The following SRBD1 variants were observed in gnomAD, a reference collection of about 807,000 sequenced individuals.
SRBD1 encodes the protein S1 RNA binding domain 1.
In SRBD1, 88 loss-of-function variants were observed where a neutral mutation model predicts 115.3. The ratio of observed to expected loss-of-function variants is 0.76; its 90% CI spans 0.64 to 0.91. SRBD1 has a LOEUF of 0.91. Among genes scored for constraint, SRBD1 ranks in the 40% least tolerant of loss-of-function variants. SRBD1 has a pLI of 0.00. For missense variants in SRBD1, 1,385 were observed against 1,177.4 expected (o/e 1.18, Z -2.58); for synonymous variants, 509 against 407.7 (o/e 1.25, Z -2.99).
chr2:45,563,772 C>A (rs1338471584), intron 9 of SRBD1, among the ~76,000 whole-genome samples: 5 of 151,986 alleles, frequency 3.3e-5, no homozygotes, highest in Non-Finnish European at 7.4e-5. Flanking sequence ...AATCTGAACA[C>A]ACCTATAAAA....
At chr2:45,606,404 C>G (rs1427302677) in intron 1 of SRBD1, among the ~76,000 whole-genome samples, 1 of 152,132 alleles carries the variant, frequency 6.6e-6, no homozygotes, top group Non-Finnish European at 1.5e-5. Flanking sequence ...AGGTGATCCG[C>G]CCACCTCGGC....
At chr2:45,606,157 C>CTTTTTTTTT in intron 1 of SRBD1, among the ~76,000 whole-genome samples, 1 of 116,770 alleles carries the variant, frequency 8.6e-6, no homozygotes, top group Non-Finnish European at 1.8e-5. Context: ...TTTTCCTATT[C>CTTTTTTTTT]TTTTTTTTTT....
intron 16 of SRBD1, among the ~76,000 whole-genome samples, chr2:45,445,312 C>A (rs1227004327): frequency 6.6e-6 from 1 of 151,980 alleles, no homozygotes; most frequent in Non-Finnish European, 1.5e-5. Flanking sequence ...TTACCCATAT[C>A]CTCCACTGCA....
intron 15 of SRBD1, among the ~76,000 whole-genome samples, chr2:45,478,899 C>T (rs1367951876): frequency 1.3e-5 from 2 of 152,102 alleles, no homozygotes; most frequent in African/African-American, 2.4e-5. Flanking sequence ...TGGAAATTTG[C>T]GGCAACCCTG....
chr2:45,441,789 A>G (rs996444044), intron 16 of SRBD1, among the ~76,000 whole-genome samples: 3 of 152,224 alleles, frequency 2.0e-5, no homozygotes, highest in Non-Finnish European at 4.4e-5. Flanking sequence ...TTCCTATTAT[A>G]GAAACGCTTT....
In SRBD1 at chr2:45,421,634, A is replaced by AT. The variant is rs371680533; in HGVS notation, c.2050-1741dup. Among the ~76,000 whole-genome samples the AT allele has an allele frequency of 2.6e-3, 391 of 151,876 alleles. 3 individuals are homozygous for AT. The highest frequency in any genetic ancestry group is 8.9e-3 in the African/African-American group (369 of 41,464). On this transcript the variant is annotated intron_variant, in intron 16 of 20. Transcript: ENST00000263736. The stretch of plus-strand genomic sequence containing the variant: ...GAAGCTAGGTTACAACAATGAATAC[A>AT]TTCGCTATTACTCATAATTCTAAAA...
intron 18 of SRBD1, among the ~76,000 whole-genome samples, chr2:45,414,541 ACATAGTGT>A (rs1330296280): frequency 2.1e-5 from 3 of 144,782 alleles, no homozygotes; most frequent in Non-Finnish European, 3.0e-5. Flanking sequence ...GTGTGTACAC[ACATAGTGT>A]CTGTAGTGTG....
In SRBD1 at chr2:45,393,121, G is replaced by A. The variant is rs1274837463; in HGVS notation, c.2522C>T (p.Ser841Leu). 1.2e-6 allele frequency: 2 copies of A among 1,600,142 alleles called. No homozygotes were observed. The highest frequency in any genetic ancestry group is 8.5e-7 in the Non-Finnish European group (1 of 1,175,446). ...ESYDIAMRFL[S>L]SIGGTLYEVG... ...CTCATACAGTGTCCCTCCAATGGAT[G>A]ACAAAAACCTGCAGTGGAAAAAATA... Residue 841 changes from serine (S) to leucine (L), a missense_variant, in exon 20 of 21, where the codon TCA becomes TTA. Ser to Leu is a moderately radical substitution (Grantham distance 145). Coordinates refer to ENST00000263736, the MANE Select transcript of SRBD1 (RefSeq NM_018079.5).
intron 9 of SRBD1, among the ~76,000 whole-genome samples, chr2:45,564,060 C>A (rs1672751254): frequency 6.6e-6 from 1 of 151,988 alleles, no homozygotes; most frequent in African/African-American, 2.4e-5. Flanking sequence ...TAATAGCAAA[C>A]CACATCCAGA....
intron 9 of SRBD1, among the ~76,000 whole-genome samples, chr2:45,565,297 T>A (rs1572783598): frequency 6.6e-6 from 1 of 152,312 alleles, no homozygotes; most frequent in African/African-American, 2.4e-5. Context: ...TACAATGGAA[T>A]AGAATCGGAG....
chr2:45,502,375 T>C (rs1441650741), intron 14 of SRBD1, among the ~76,000 whole-genome samples: 3 of 152,202 alleles, frequency 2.0e-5, no homozygotes, highest in African/African-American at 4.8e-5. Context: ...TAAAGACACA[T>C]GCACATGTAT....
chr2:45,608,655 A>C (rs1674347693), intron 1 of SRBD1, among the ~76,000 whole-genome samples: 1 of 152,080 alleles, frequency 6.6e-6, no homozygotes, highest in African/African-American at 2.4e-5. Context: ...TTCTATAATA[A>C]ACTGCCTGTC....
At chr2:45,556,771 T>C (rs1246322616) in intron 10 of SRBD1, among the ~76,000 whole-genome samples, 6 of 152,148 alleles carry the variant, frequency 3.9e-5, no homozygotes, top group African/African-American at 1.4e-4. Context: ...CCTTGCTCTA[T>C]GTTCATGGTG....
At chr2:45,427,210 A>G (rs762917304) in intron 16 of SRBD1, among the ~76,000 whole-genome samples, 1 of 151,758 alleles carries the variant, frequency 6.6e-6, no homozygotes, top group Non-Finnish European at 1.5e-5. Flanking sequence ...AAGCTGAAAA[A>G]CACCGCACAA....
intron 8 of SRBD1, among the ~76,000 whole-genome samples, chr2:45,573,607 T>C (rs1425054541): frequency 1.3e-5 from 2 of 152,186 alleles, no homozygotes; most frequent in Non-Finnish European, 2.9e-5. Context: ...TCTGCAATTA[T>C]GCAAAAGATC....
chr2:45,501,557 A>G (rs1292607939), intron 14 of SRBD1, among the ~76,000 whole-genome samples: 1 of 152,202 alleles, frequency 6.6e-6, no homozygotes, highest in African/African-American at 2.4e-5. Context: ...AAGCTGTGAC[A>G]GATGGCACCT....
chr2:45,460,470 C>T (rs1353410567), intron 16 of SRBD1, among the ~76,000 whole-genome samples: 1 of 152,016 alleles, frequency 6.6e-6, no homozygotes, highest in African/African-American at 2.4e-5. Flanking sequence ...AGGAAACAGG[C>T]ACATAGCAAG....
At chr2:45,556,698 A>C (rs1391792684) in intron 10 of SRBD1, among the ~76,000 whole-genome samples, 2 of 151,906 alleles carry the variant, frequency 1.3e-5, no homozygotes, top group African/African-American at 4.8e-5. Flanking sequence ...GCTGACCTCA[A>C]GTGATCTACC....
chr2:45,501,555 A>G (rs886203456), intron 14 of SRBD1, among the ~76,000 whole-genome samples: 3 of 152,182 alleles, frequency 2.0e-5, no homozygotes, highest in South Asian at 2.1e-4. Flanking sequence ...GGAAGCTGTG[A>G]CAGATGGCAC....
Sources: gnomAD v4.1 joint callset for allele counts (sites outside exome capture counted in the v4.1 genomes callset) on GRCh38, gnomAD v4.1.1 for gene constraint, MANE v1.5 for transcripts, NCBI Gene and HGNC (gene_info 2026-07-23, HGNC 2026-07-21) for gene names.